Variants in PPP2R2D observed in about 807,000 individuals in gnomAD.
The protein encoded by PPP2R2D is protein phosphatase 2 regulatory subunit Bdelta, also known as serine/threonine-protein phosphatase 2A 55 kDa regulatory subunit B delta isoform.
In PPP2R2D, 9 loss-of-function variants were observed where a neutral mutation model predicts 31.1. The ratio of observed to expected loss-of-function variants is 0.29; its 90% confidence interval spans 0.17 to 0.51. The LOEUF (loss-of-function observed/expected upper bound fraction) is 0.51, where lower values mean the gene tolerates loss of function less well. PPP2R2D is among the 20% of genes least tolerant of loss of function. The pLI, the probability that PPP2R2D is intolerant of heterozygous loss-of-function variation, is 0.98. For missense variants in PPP2R2D, 391 were observed against 465.6 expected (o/e 0.84, Z 1.48); for synonymous variants, 179 against 172.6 (o/e 1.04, Z -0.29).
At chr10:131,953,482 G>T (rs539269417) in intron 8 of PPP2R2D, among the ~76,000 whole-genome samples, 34 of 121,430 alleles carry the variant, frequency 2.8e-4, no homozygotes, top group African/African-American at 1.1e-3. Flanking sequence ...TTAGTGACTT[G>T]TGGGTGTGCG....
chr10:131,916,431 G>A (rs560693712), intron 2 of PPP2R2D, among the ~76,000 whole-genome samples: 4 of 151,838 alleles, frequency 2.6e-5, no homozygotes, highest in East Asian at 3.9e-4. Flanking sequence ...GTACAGTTGC[G>A]TGGTGGTAAA....
intron 2 of PPP2R2D, among the ~76,000 whole-genome samples, chr10:131,931,568 G>C (rs973695352): frequency 3.3e-5 from 5 of 152,112 alleles, no homozygotes; most frequent in Admixed American, 1.3e-4. Flanking sequence ...GGCTGGTCTC[G>C]AACTCCTGAC....
At chr10:131,930,122 T>A (rs1274213247) in intron 2 of PPP2R2D, among the ~76,000 whole-genome samples, 1 of 152,268 alleles carries the variant, frequency 6.6e-6, no homozygotes, top group Non-Finnish European at 1.5e-5. Flanking sequence ...ATATTGTGTA[T>A]TACTGAACTG....
chr10:131,950,798 CAATA>C (rs1486522982), intron 8 of PPP2R2D, among the ~76,000 whole-genome samples: 1 of 151,462 alleles, frequency 6.6e-6, no homozygotes, highest in African/African-American at 2.5e-5. Context: ...CAGCCCCACA[CAATA>C]AATAAATAAG....
intron 2 of PPP2R2D, among the ~76,000 whole-genome samples, chr10:131,928,648 A>G (rs1294897725): frequency 6.6e-6 from 1 of 152,198 alleles, no homozygotes; most frequent in African/African-American, 2.4e-5. Context: ...GGCTGCGGCA[A>G]CCCTCCAGCA....
At position 131,945,424 on chromosome 10, in the gene PPP2R2D, T is replaced by C; in HGVS notation, c.785T>C (p.Met262Thr). 2 of 1,614,062 alleles carry C rather than the reference T, an allele frequency of 1.2e-6. No individual in the cohort carries two copies. Among genetic ancestry groups the C allele is most frequent in the Non-Finnish European group, 1.7e-6 (2 of 1,179,974 alleles). Residue 262 changes from methionine (M) to threonine (T), a missense_variant, in exon 7 of 9, where the codon ATG (methionine) becomes ACG (threonine). Met to Thr is a moderately conservative substitution (Grantham distance 81). This residue lies in a region of PPP2R2D where 123 missense variants were observed against 187.7 expected (regional missense o/e 0.66). Transcript: ENST00000455566. This position sits in a 1 kb window ranked among gnomAD's most constrained non-coding sequence, Gnocchi z 4.8. ...SSKGTIRLCD[M>T]RSSALCDRHS... ...AAAGGGACCATCCGCCTGTGTGACATGCGCTCCTCGGCCCTGTGCGACAGA... is the reference window on the plus strand; with the variant it reads ...AAAGGGACCATCCGCCTGTGTGACACGCGCTCCTCGGCCCTGTGCGACAGA...
At chr10:131,920,666 G>A (rs915126177) in intron 2 of PPP2R2D, among the ~76,000 whole-genome samples, 3 of 152,094 alleles carry the variant, frequency 2.0e-5, no homozygotes, top group South Asian at 2.1e-4. Flanking sequence ...AGTATCTCAC[G>A]CCTGTAATCC....
downstream of PPP2R2D, among the ~76,000 whole-genome samples, chr10:131,964,440 T>C (rs2120127620): frequency 6.6e-6 from 1 of 151,176 alleles, no homozygotes; most frequent in African/African-American, 2.4e-5. Flanking sequence ...TTTTGTTGAG[T>C]GGCACTTGGA....
At chr10:131,929,058 C>G (rs2036159113) in intron 2 of PPP2R2D, among the ~76,000 whole-genome samples, 2 of 152,244 alleles carry the variant, frequency 1.3e-5, no homozygotes, top group African/African-American at 4.8e-5. Flanking sequence ...TTGTGTTTCT[C>G]TCCAGATGCA....
chr10:131,943,348 T>C (rs1258363741), intron 5 of PPP2R2D, among the ~76,000 whole-genome samples: 1 of 152,126 alleles, frequency 6.6e-6, no homozygotes, highest in Non-Finnish European at 1.5e-5. Flanking sequence ...AAGTGTAATA[T>C]ATAATACATA....
intron 2 of PPP2R2D, among the ~76,000 whole-genome samples, chr10:131,916,557 C>T (rs1554893100): frequency 1.3e-5 from 2 of 152,158 alleles, no homozygotes; most frequent in African/African-American, 2.4e-5. Flanking sequence ...TCCCCGGCCC[C>T]TGGCGACCAC....
intron 2 of PPP2R2D, among the ~76,000 whole-genome samples, chr10:131,922,078 C>T (rs1199370782): frequency 1.3e-5 from 2 of 152,130 alleles, no homozygotes; most frequent in Non-Finnish European, 2.9e-5. Context: ...TAGACTTCAA[C>T]GGCAGTGGTT....
intron 2 of PPP2R2D, among the ~76,000 whole-genome samples, chr10:131,913,088 T>G (rs1045686309): frequency 0.019 from 2,901 of 152,284 alleles, 94 homozygotes; most frequent in African/African-American, 0.064. Flanking sequence ...AGTGGCACTA[T>G]CTCGGCTCAC....
chr10:131,960,869 A>G (rs1456991133), downstream of PPP2R2D, among the ~76,000 whole-genome samples: 3 of 152,190 alleles, frequency 2.0e-5, no homozygotes, highest in African/African-American at 7.2e-5. Context: ...CAGAGGTCGC[A>G]TCTTCCCAGA....
At chr10:131,925,984 A>C (rs2036097727) in intron 2 of PPP2R2D, among the ~76,000 whole-genome samples, 1 of 152,106 alleles carries the variant, frequency 6.6e-6, no homozygotes, top group South Asian at 2.1e-4. Flanking sequence ...TATTTCCCTT[A>C]CTGGGCATGT....
At chr10:131,949,297 C>T (rs1198408073) in intron 8 of PPP2R2D, among the ~76,000 whole-genome samples, 4 of 152,154 alleles carry the variant, frequency 2.6e-5, no homozygotes, top group African/African-American at 9.7e-5. Context: ...GCAGTAAACA[C>T]ACCTGCACTT....
chr10:131,932,901 T>TA (rs1554895893), intron 2 of PPP2R2D, among the ~76,000 whole-genome samples: 1 of 152,202 alleles, frequency 6.6e-6, no homozygotes, highest in African/African-American at 2.4e-5. Flanking sequence ...CACCGACAGT[T>TA]ACAGGAGTTT....
chr10:131,946,181 T>G (rs1459707943), intron 7 of PPP2R2D, among the ~76,000 whole-genome samples: 1 of 152,266 alleles, frequency 6.6e-6, no homozygotes, highest in Non-Finnish European at 1.5e-5. Flanking sequence ...GCCACTTCCC[T>G]TAGCTGAAAG....
intron 2 of PPP2R2D, chr10:131,912,142 A>G (rs1258597141): frequency 2.0e-5 from 3 of 152,198 alleles, no homozygotes; most frequent in South Asian, 2.1e-4. Flanking sequence ...TAGACTTTGA[A>G]TAAGATTTTC....
Sources: allele counts gnomAD v4.1 joint callset (sites outside exome capture counted in the v4.1 genomes callset), GRCh38; gene constraint gnomAD v4.1.1; regional missense constraint gnomAD v4.1.1; non-coding constraint Gnocchi (gnomAD v3.1); transcripts MANE v1.5; gene names NCBI Gene and HGNC (gene_info 2026-07-23, HGNC 2026-07-21).